The following COPS4 variants were observed in gnomAD, a reference collection of about 807,000 sequenced individuals.
The protein encoded by COPS4 is COP9 signalosome subunit 4, also known as COP9 signalosome complex subunit 4.
Under a neutral mutation model 55.1 loss-of-function variants are expected in COPS4, and 8 were observed. The ratio of observed to expected loss-of-function variants is 0.15; its 90% CI spans 0.09 to 0.26. The LOEUF is 0.26. COPS4 is among the 10% of genes least tolerant of loss of function. The probability of loss-of-function intolerance (pLI) is 1.00; values close to 1 mark genes in which losing one functional copy is unlikely to be tolerated. For synonymous variants in COPS4, 185 were observed against 165.7 expected (o/e 1.12, Z -0.90); for missense variants, 248 against 484.0 (o/e 0.51, Z 4.58).
rs954455568 is a variant in COPS4 at position 83,062,368 on chromosome 4, T to C, written c.716-708T>C. Among the ~76,000 whole-genome samples the C allele has an allele frequency of 3.5e-4, 54 of 152,362 alleles. 1 individual carries two copies. Among genetic ancestry groups the C allele is most frequent in the Non-Finnish European group, 8.8e-5 (6 of 68,030 alleles). ...ATGGTTGCTCTTCTTTATCTGTGGA[T>C]TCCATGTTTCTGAATTATCCTCCTT... On this transcript the variant is annotated intron_variant, in intron 6 of 9. Coordinates refer to ENST00000264389, the MANE Select transcript of COPS4 (RefSeq NM_016129.3).
chr4:83,070,669 C>A (rs191615633), intron 9 of COPS4, among the ~76,000 whole-genome samples: 1 of 152,292 alleles, frequency 6.6e-6, no homozygotes, highest in Admixed American at 6.5e-5. Context: ...ATAACCTCTT[C>A]AGGTGTTGAG....
intron 6 of COPS4, among the ~76,000 whole-genome samples, chr4:83,060,418 G>A (rs1432086972): frequency 1.2e-4 from 18 of 150,720 alleles, no homozygotes; most frequent in African/African-American, 3.7e-4. Context: ...GCACGATCTC[G>A]GCTCACTGCA....
intron 9 of COPS4, among the ~76,000 whole-genome samples, chr4:83,073,028 AAAG>A (rs1731477295): frequency 6.6e-6 from 1 of 152,230 alleles, no homozygotes; most frequent in Non-Finnish European, 1.5e-5. Context: ...TAAAAGAAAA[AAAG>A]AAGGAAATTC....
At chr4:83,062,558 A>G (rs973004194) in intron 6 of COPS4, among the ~76,000 whole-genome samples, 1 of 59,712 alleles carries the variant, frequency 1.7e-5, no homozygotes, top group Non-Finnish European at 3.2e-5. Context: ...ACTGTACACA[A>G]ATGTCCTTTT....
chr4:83,067,524 CTT>C (rs34638314), intron 8 of COPS4, among the ~76,000 whole-genome samples: 5,167 of 129,734 alleles, frequency 0.04, 108 homozygotes, highest in Admixed American at 0.052. Context: ...ACGCCCAGCC[CTT>C]TTTTTTTTTT....
At chr4:83,052,813 C>A (rs968717450) in intron 4 of COPS4, among the ~76,000 whole-genome samples, 3 of 152,100 alleles carry the variant, frequency 2.0e-5, no homozygotes, top group African/African-American at 7.2e-5. Context: ...TCTCAAACTC[C>A]AGGGCTCAAG....
chr4:83,056,959 C>T lies in COPS4; in HGVS notation c.444C>T (p.Tyr148=). 6.2e-7 allele frequency: 1 copy of T among 1,613,150 alleles called. No homozygotes were observed. ...QYNVDYKLET[Y]LKIARLYLED... The stretch of plus-strand genomic sequence containing the variant: ...ATGTAGATTATAAACTGGAGACTTA[C>T]TTGAAGATTGCTAGGCTATATCTGG... Residue 148 remains tyrosine, a synonymous_variant, in exon 5 of 10, where the codon TAC becomes TAT. Coordinates refer to ENST00000264389, the MANE Select transcript of COPS4 (RefSeq NM_016129.3).
In COPS4 at chr4:83,063,255, C is replaced by T. The variant is rs376021122; in HGVS notation, c.886+9C>T. The T allele has an allele frequency of 7.5e-6, 12 of 1,609,946 alleles. No homozygotes were observed. The African/African-American group carries it at 1.2e-4, about 16-fold the overall frequency. On this transcript the variant is annotated intron_variant, in intron 7 of 9. Coordinates refer to ENST00000264389, the MANE Select transcript of COPS4 (RefSeq NM_016129.3). ...AGCAACTACAGCTGATGGTAATGAT[C>T]CTGTCTTATGTGTATATGGTAGTCA... is the stretch of plus-strand genomic sequence containing the variant.
At chr4:83,052,797 G>C (rs1166924669) in intron 4 of COPS4, among the ~76,000 whole-genome samples, 1 of 152,128 alleles carries the variant, frequency 6.6e-6, no homozygotes, top group East Asian at 1.9e-4. Flanking sequence ...ATGTTGCCCA[G>C]GCTGGTCTCA....
At chr4:83,075,182 A>T in intron 9 of COPS4, 115 bp from the exon 10 acceptor site, 1 of 849,378 alleles carries the variant, frequency 1.2e-6, no homozygotes, top group Non-Finnish European at 1.8e-6. Flanking sequence ...TTAGGTATTT[A>T]AAAGGAACAT....
chr4:83,035,223 A>C lies in COPS4; in HGVS notation c.-2A>C. 6.4e-7 allele frequency: 1 copy of C among 1,565,050 alleles called. No homozygotes were observed. The highest frequency in any genetic ancestry group is 8.7e-7 in the Non-Finnish European group (1 of 1,148,728). On this transcript the variant is annotated 5_prime_UTR_variant, in exon 1 of 10. Coordinates refer to ENST00000264389, the MANE Select transcript of COPS4 (RefSeq NM_016129.3). ...CGCATCCACCGCTGAGCTGGGAGAA[A>C]GATGGCGGCAGCCGTGCGACAGGAT...
At chr4:83,046,498 A>G (rs1177971642) in intron 2 of COPS4, among the ~76,000 whole-genome samples, 1 of 152,236 alleles carries the variant, frequency 6.6e-6, no homozygotes, top group Non-Finnish European at 1.5e-5. Context: ...TATATTCGCC[A>G]TATTGCTATT....
At chr4:83,047,588 G>T (rs1340684090) in intron 2 of COPS4, among the ~76,000 whole-genome samples, 4 of 151,806 alleles carry the variant, frequency 2.6e-5, no homozygotes, top group African/African-American at 4.8e-5. Context: ...TATATTTTTT[G>T]ATCTTTGTAT....
chr4:83,057,919 CAAAA>C (rs960818183), intron 6 of COPS4, among the ~76,000 whole-genome samples: 1 of 54,272 alleles, frequency 1.8e-5, no homozygotes, highest in African/African-American at 6.7e-5. Context: ...GACTCTGTCT[CAAAA>C]AAAAAAAAAA....
At chr4:83,058,074 GT>G (rs70943197) in intron 6 of COPS4, among the ~76,000 whole-genome samples, 230 of 146,214 alleles carry the variant, frequency 1.6e-3, no homozygotes, top group African/African-American at 4.1e-3. Flanking sequence ...CTGCTTTTGG[GT>G]TTTTTTTTTT....
At chr4:83,037,756 T>G (rs1234307532) in intron 1 of COPS4, among the ~76,000 whole-genome samples, 2 of 152,246 alleles carry the variant, frequency 1.3e-5, no homozygotes, top group Non-Finnish European at 2.9e-5. Context: ...TGGAATACAT[T>G]GTTTCTAAAA....
In COPS4 at chr4:83,037,007, T is replaced by TA. The variant is rs542286924; in HGVS notation, c.74+1713dup. Among the ~76,000 whole-genome samples the TA allele has an allele frequency of 1.1e-3, 170 of 152,322 alleles. 1 individual carries two copies. Among genetic ancestry groups the TA allele is most frequent in the African/African-American group, 4.0e-3 (165 of 41,582 alleles). ...TAACAAACCAAAAACTTAACCAGTGTAAAACAACTATGATTTCTCAGGATT... is the reference window on the plus strand; with the variant it reads ...TAACAAACCAAAAACTTAACCAGTGTAAAAACAACTATGATTTCTCAGGATT... On this transcript the variant is annotated intron_variant, in intron 1 of 9. Coordinates refer to ENST00000264389, the MANE Select transcript of COPS4 (RefSeq NM_016129.3).
rs139872004 is a variant in COPS4, at chr4:83,064,614, A to G, written c.886+1368A>G. Among the ~76,000 whole-genome samples the G allele has an allele frequency of 1.5e-3, 227 of 151,282 alleles. No individual in the cohort carries two copies. In the Middle Eastern group the frequency reaches 0.027, roughly 18 times the overall value. On this transcript the variant is annotated intron_variant, in intron 7 of 9. Coordinates refer to ENST00000264389, the MANE Select transcript of COPS4 (RefSeq NM_016129.3). ...TTTTCTTTTTTCTTTTTTTTTTGTT[A>G]GTTACAGTCGTGCTCTGTTGTCCAG...
At chr4:83,059,950 C>T (rs1731119597) in intron 6 of COPS4, among the ~76,000 whole-genome samples, 1 of 152,028 alleles carries the variant, frequency 6.6e-6, no homozygotes, top group Non-Finnish European at 1.5e-5. Flanking sequence ...ATCCGCCCTC[C>T]TCCGCCTTCC....
Sources: allele counts gnomAD v4.1 joint callset (sites outside exome capture counted in the v4.1 genomes callset), GRCh38; gene constraint gnomAD v4.1.1; transcripts MANE v1.5; gene names NCBI Gene and HGNC (gene_info 2026-07-23, HGNC 2026-07-21).